Variants in PACRG observed in about 807,000 individuals in gnomAD.
PACRG encodes parkin coregulated.
Under a neutral mutation model 29.7 loss-of-function variants are expected in PACRG, and 29 were observed. That is an observed-to-expected ratio of 0.98 (90% confidence interval 0.73 to 1.33). The LOEUF is 1.33. Ranked by LOEUF, PACRG falls within the 40% of genes most tolerant of loss-of-function variation. The pLI is 0.00. For missense variants in PACRG, 279 were observed against 316.2 expected (o/e 0.88, Z 0.89); for synonymous variants, 116 against 118.7 (o/e 0.98, Z 0.15).
intron 4 of PACRG, among the ~76,000 whole-genome samples, chr6:163,094,118 T>C (rs971314854): frequency 4.6e-5 from 7 of 152,200 alleles, no homozygotes; most frequent in Admixed American, 1.3e-4. Flanking sequence ...TTTTCAAACG[T>C]TGATGAACTT....
chr6:162,879,697 G>A (rs751799348), intron 2 of PACRG, among the ~76,000 whole-genome samples: 10 of 151,948 alleles, frequency 6.6e-5, no homozygotes, highest in East Asian at 1.9e-4. Flanking sequence ...GCCAGGCCCC[G>A]AGCTGGCCGT....
chr6:163,041,428 T>TGTTCTCATGATAATGAGGGA (rs1382835614), intron 2 of PACRG, among the ~76,000 whole-genome samples: 1 of 152,218 alleles, frequency 6.6e-6, no homozygotes, highest in Non-Finnish European at 1.5e-5. Context: ...TCTCCCATGC[T>TGTTCTCATGATAATGAGGGA]GTTCTCATGA....
chr6:162,743,563 C>T (rs1780760783), intron 1 of PACRG, among the ~76,000 whole-genome samples: 1 of 152,018 alleles, frequency 6.6e-6, no homozygotes, highest in African/African-American at 2.4e-5. Flanking sequence ...TGCTATCTCT[C>T]GAACTGACAT....
intron 2 of PACRG, among the ~76,000 whole-genome samples, chr6:162,963,391 A>T (rs1415119437): frequency 6.6e-6 from 1 of 152,064 alleles, no homozygotes; most frequent in Non-Finnish European, 1.5e-5. Flanking sequence ...TAAAACTCTC[A>T]TGGGTCACAA....
chr6:163,165,862 T>C (rs34171417), intron 4 of PACRG: 51,959 of 346,770 alleles, frequency 0.15, 4,275 homozygotes, highest in South Asian at 0.24. Flanking sequence ...AAGATGAGAA[T>C]GGGGCGACAG....
chr6:162,893,697 C>A (rs773022958), intron 2 of PACRG, among the ~76,000 whole-genome samples: 9 of 152,202 alleles, frequency 5.9e-5, no homozygotes, highest in Non-Finnish European at 1.3e-4. Context: ...CATCGATAGA[C>A]CGTGCAGCAC....
chr6:163,052,501 G>A (rs568480248), intron 2 of PACRG, among the ~76,000 whole-genome samples: 2 of 152,058 alleles, frequency 1.3e-5, no homozygotes, highest in South Asian at 2.1e-4. Context: ...ATCTCATCTC[G>A]AATTGTAAAC....
chr6:162,983,628 A>G (rs1172774088), intron 2 of PACRG, among the ~76,000 whole-genome samples: 1 of 152,078 alleles, frequency 6.6e-6, no homozygotes, highest in Non-Finnish European at 1.5e-5. Flanking sequence ...GAGGCTAAAG[A>G]TAGGACCCCA....
intron 3 of PACRG, among the ~76,000 whole-genome samples, chr6:163,075,006 A>T (rs1229969273): frequency 6.6e-6 from 1 of 152,068 alleles, no homozygotes; most frequent in Non-Finnish European, 1.5e-5. Context: ...AAGTATATAT[A>T]TATAACTAAA....
chr6:162,772,060 A>G (rs1306057471), intron 1 of PACRG, among the ~76,000 whole-genome samples: 1 of 152,218 alleles, frequency 6.6e-6, no homozygotes, highest in Non-Finnish European at 1.5e-5. Context: ...TGATAAAAAG[A>G]TAAGATGGAA....
chr6:162,857,138 A>G (rs1312278219), intron 2 of PACRG, among the ~76,000 whole-genome samples: 1 of 152,202 alleles, frequency 6.6e-6, no homozygotes, highest in Admixed American at 6.5e-5. Context: ...AGCAAGCAAC[A>G]GCCTTTGAGC....
chr6:162,737,983 CAAAT>C (rs1780293579), intron 1 of PACRG, among the ~76,000 whole-genome samples: 1 of 151,914 alleles, frequency 6.6e-6, no homozygotes, highest in African/African-American at 2.4e-5. Flanking sequence ...TTTAAATCTA[CAAAT>C]AAATATAGAA....
intron 2 of PACRG, among the ~76,000 whole-genome samples, chr6:162,948,025 T>C (rs1799371826): frequency 6.6e-6 from 1 of 151,928 alleles, no homozygotes; most frequent in Non-Finnish European, 1.5e-5. Context: ...ATGTCATTTT[T>C]CACAGAAAGA....
chr6:162,759,153 G>A (rs1209223219), intron 1 of PACRG, among the ~76,000 whole-genome samples: 5 of 152,218 alleles, frequency 3.3e-5, no homozygotes, highest in Non-Finnish European at 7.3e-5. Context: ...ATATTCAGAT[G>A]TTTTCCACTA....
intron 4 of PACRG, among the ~76,000 whole-genome samples, chr6:163,251,837 G>T (rs1782916467): frequency 6.6e-6 from 1 of 152,226 alleles, no homozygotes; most frequent in Non-Finnish European, 1.5e-5. Flanking sequence ...ACTGGGGGCC[G>T]TGGGGCCTGA....
intron 2 of PACRG, among the ~76,000 whole-genome samples, chr6:162,981,430 A>G (rs969435848): frequency 6.6e-6 from 1 of 151,958 alleles, no homozygotes; most frequent in East Asian, 1.9e-4. Flanking sequence ...TGTTTTCATG[A>G]CTATGGCCTT....
Position 163,269,898 on chromosome 6 carries a change from G to GA in PACRG, c.614-44926dup, listed in dbSNP as rs1236486089. ...GAAAGAAAGAAAGAAAGAAAACAAA[G>GA]AAAGAAAGAAAGAAAGAAAGAAAGA... On this transcript the variant is annotated intron_variant, in intron 4 of 4. Transcript: ENST00000366888. Among the ~76,000 whole-genome samples the GA allele has an allele frequency of 1.4e-4, 7 of 49,314 alleles. 2 individuals are homozygous for GA. The highest frequency in any genetic ancestry group is 8.2e-4 in the African/African-American group (7 of 8,548). 32.4% of individuals were successfully genotyped at this position (49,314 alleles called of 152,430 possible).
intron 2 of PACRG, among the ~76,000 whole-genome samples, chr6:163,058,473 A>G (rs1412017629): frequency 6.6e-6 from 1 of 152,348 alleles, no homozygotes; most frequent in Non-Finnish European, 1.5e-5. Context: ...CAAACAGGTC[A>G]TAAAAAGAAC....
rs533873395 is a variant in PACRG, at chr6:163,003,002, C to T, written c.292-59148C>T. On this transcript the variant is annotated intron_variant, in intron 2 of 4. Transcript: ENST00000366888. ...TGGCATACTGCAATTTCTGGCAACA[C>T]TAGACCCATATTCTTATGTGTCAAT... is the stretch of plus-strand genomic sequence containing the variant. 3.3e-5 allele frequency among the ~76,000 whole-genome samples: 5 copies of T among 152,304 alleles called. No individual in the cohort carries two copies. The East Asian group carries it at 7.7e-4, about 24-fold the overall frequency.
Sources: gnomAD v4.1 joint callset for allele counts (sites outside exome capture counted in the v4.1 genomes callset) on GRCh38, gnomAD v4.1.1 for gene constraint, MANE v1.5 for transcripts, NCBI Gene and HGNC (gene_info 2026-07-23, HGNC 2026-07-21) for gene names.